STPG2: variants seen among roughly 807,000 people sequenced by gnomAD.
STPG2 encodes the protein sperm tail PG-rich repeat containing 2.
In STPG2, 56 loss-of-function variants were observed where a neutral mutation model predicts 54.2. The ratio of observed to expected loss-of-function variants is 1.03; its 90% CI spans 0.83 to 1.29. The LOEUF is 1.29. Among genes scored for constraint, STPG2 ranks in the 50% most tolerant of loss-of-function variants. The pLI is 0.00. For synonymous variants in STPG2, 200 were observed against 181.8 expected (o/e 1.10, Z -0.81); for missense variants, 596 against 544.9 (o/e 1.09, Z -0.93).
At chr4:97,898,839 TAC>T (rs1731058858) in intron 8 of STPG2, among the ~76,000 whole-genome samples, 1 of 151,738 alleles carries the variant, frequency 6.6e-6, no homozygotes, top group African/African-American at 2.4e-5. Flanking sequence ...ATAATTAAAT[TAC>T]ATTTTACACA....
intron 5 of STPG2, chr4:98,026,278 T>C: frequency 1.3e-6 from 1 of 760,066 alleles, no homozygotes; most frequent in Non-Finnish European, 2.2e-6. Context: ...ACCAAACAAT[T>C]TTCTATGAAG....
intron 5 of STPG2, among the ~76,000 whole-genome samples, chr4:98,006,071 C>A (rs1485084775): frequency 1.3e-5 from 2 of 152,108 alleles, no homozygotes; most frequent in African/African-American, 4.8e-5. Context: ...TCCAAGATGG[C>A]AGATTAGAAG....
chr4:98,009,363 T>C (rs1360524683), intron 5 of STPG2, among the ~76,000 whole-genome samples: 1 of 57,002 alleles, frequency 1.8e-5, no homozygotes, highest in Non-Finnish European at 4.1e-5. Context: ...AAGTGTGTCA[T>C]TCAATTTTCA....
intron 10 of STPG2, among the ~76,000 whole-genome samples, chr4:97,680,839 T>C (rs1723010791): frequency 6.6e-6 from 1 of 152,022 alleles, no homozygotes; most frequent in African/African-American, 2.4e-5. Context: ...AATAACAATA[T>C]ATAAAATGTG....
intron 3 of STPG2, among the ~76,000 whole-genome samples, chr4:98,111,916 G>A (rs982073031): frequency 6.6e-6 from 1 of 151,976 alleles, no homozygotes; most frequent in African/African-American, 2.4e-5. Context: ...TCTAGCCTTT[G>A]GATTCTTGGA....
intron 4 of STPG2, among the ~76,000 whole-genome samples, chr4:97,550,183 G>A (rs6814127): frequency 0.64 from 96,768 of 151,902 alleles, 32,003 homozygotes; most frequent in African/African-American, 0.83. Context: ...AGATGTGTAC[G>A]AAAGTATTTT....
chr4:97,529,847 T>C (rs1003953584), intron 4 of STPG2, among the ~76,000 whole-genome samples: 1 of 152,196 alleles, frequency 6.6e-6, no homozygotes, highest in Non-Finnish European at 1.5e-5. Context: ...CCTTAAAGTG[T>C]TAGTGTCTCA....
chr4:97,841,069 A>C, intron 8 of STPG2, 137 bp from the exon 9 acceptor site: 1 of 880,448 alleles, frequency 1.1e-6, no homozygotes, highest in Non-Finnish European at 1.6e-6. Context: ...AAAAATAGAA[A>C]CTTAAAAAGG....
intron 10 of STPG2, among the ~76,000 whole-genome samples, chr4:97,582,137 T>C (rs1458920963): frequency 6.6e-6 from 1 of 152,010 alleles, no homozygotes; most frequent in Non-Finnish European, 1.5e-5. Context: ...ATCTCCTACT[T>C]CTGCTCTATG....
intron 4 of STPG2, among the ~76,000 whole-genome samples, chr4:97,467,244 TA>T (rs1729809278): frequency 6.6e-6 from 1 of 151,938 alleles, no homozygotes; most frequent in South Asian, 2.1e-4. Flanking sequence ...ATGGCAATCA[TA>T]AAAGAGGTTT....
At chr4:97,480,053 T>A (rs541334353) in intron 4 of STPG2, among the ~76,000 whole-genome samples, 16 of 151,684 alleles carry the variant, frequency 1.1e-4, no homozygotes, top group African/African-American at 3.4e-4. Context: ...AAAAGATCAG[T>A]ATAACTGACA....
intron 5 of STPG2, among the ~76,000 whole-genome samples, chr4:98,020,467 G>A (rs1209772209): frequency 6.6e-6 from 1 of 151,300 alleles, no homozygotes; most frequent in African/African-American, 2.4e-5. Flanking sequence ...AAGGATATTG[G>A]TCTAAAATTC....
chr4:98,032,044 TAATCAAAA>T (rs1736616420), intron 5 of STPG2, among the ~76,000 whole-genome samples: 2 of 152,114 alleles, frequency 1.3e-5, no homozygotes, highest in African/African-American at 4.8e-5. Flanking sequence ...ATAATGGCCA[TAATCAAAA>T]AATCAAAAAA....
At chr4:97,951,413 A>C (rs1325978345) in intron 7 of STPG2, among the ~76,000 whole-genome samples, 1 of 152,084 alleles carries the variant, frequency 6.6e-6, no homozygotes, top group African/African-American at 2.4e-5. Context: ...TATTATCAGA[A>C]TTATTTTTCT....
rs573974168 is a variant in STPG2, at chr4:97,970,103, G to A, written c.933+2177C>T. The stretch of plus-strand genomic sequence containing the variant: ...AATACCTAGGAATCCAACTTACAGG[G>A]ATGTGAAGAACCTCTTCAAGGAGAA... On this transcript the variant is annotated intron_variant, in intron 7 of 10. Transcript: ENST00000295268. 1.1e-3 allele frequency among the ~76,000 whole-genome samples: 160 copies of A among 152,226 alleles called. 1 individual carries two copies. The highest frequency in any genetic ancestry group is 1.8e-3 in the Admixed American group (27 of 15,290).
intron 8 of STPG2, among the ~76,000 whole-genome samples, chr4:97,913,669 A>C (rs143941856): frequency 2.0e-5 from 3 of 152,170 alleles, no homozygotes; most frequent in Non-Finnish European, 4.4e-5. Flanking sequence ...TTATGGAATA[A>C]AGAGTAAAAA....
intron 8 of STPG2, among the ~76,000 whole-genome samples, chr4:97,859,029 T>C (rs1480134795): frequency 6.6e-6 from 1 of 152,208 alleles, no homozygotes; most frequent in Non-Finnish European, 1.5e-5. Flanking sequence ...GTAAAAGTGT[T>C]TCCTTTTCAC....
chr4:97,540,412 A>C (rs1162103297), intron 4 of STPG2, among the ~76,000 whole-genome samples: 2 of 152,176 alleles, frequency 1.3e-5, no homozygotes, highest in African/African-American at 2.4e-5. Flanking sequence ...ACACCCTCCC[A>C]AGACTAAACC....
chr4:97,479,083 T>A (rs988722116), intron 4 of STPG2, among the ~76,000 whole-genome samples: 2 of 151,556 alleles, frequency 1.3e-5, no homozygotes, highest in African/African-American at 2.4e-5. Flanking sequence ...AACAAAAAAT[T>A]TGAAACTATT....
Sources: allele counts gnomAD v4.1 joint callset (sites outside exome capture counted in the v4.1 genomes callset), GRCh38; gene constraint gnomAD v4.1.1; transcripts MANE v1.5; gene names NCBI Gene and HGNC (gene_info 2026-07-23, HGNC 2026-07-21).